The following LRRC63 variants were observed in gnomAD, a reference collection of about 807,000 sequenced individuals.
LRRC63 encodes the protein leucine-rich repeat-containing protein 63.
In LRRC63, 40 loss-of-function variants were observed where a neutral mutation model predicts 49.5. That is an observed-to-expected ratio of 0.81 (90% CI 0.63 to 1.05). The LOEUF is 1.05. LRRC63 is among the 50% of genes least tolerant of loss of function. The pLI is 0.00. For synonymous variants in LRRC63, 191 were observed against 221.1 expected (o/e 0.86, Z 1.21); for missense variants, 636 against 663.1 (o/e 0.96, Z 0.45).
chr13:46,234,102 C>A lies in LRRC63; in HGVS notation c.833-90C>A, dbSNP rs1406207909. The A allele has an allele frequency of 6.5e-6, 8 of 1,237,446 alleles. No homozygotes were observed. The East Asian group carries it at 1.8e-4, about 28-fold the overall frequency. 76.7% of individuals were successfully genotyped at this position (1,237,446 alleles called of 1,614,324 possible). On this transcript the variant is annotated intron_variant, in intron 4 of 9. Coordinates refer to ENST00000595396, the Ensembl canonical transcript of LRRC63. ...GTACACTTAAGTCCTTAGGGTAACT[C>A]AATATTATCATAAGATAAATACCTC...
chr13:46,218,038 G>A (rs1033496177), intron 2 of LRRC63, among the ~76,000 whole-genome samples: 8 of 152,130 alleles, frequency 5.3e-5, no homozygotes, highest in East Asian at 1.9e-4. Context: ...GTCAATTTTC[G>A]AATAAGTGCG....
intron 2 of LRRC63, among the ~76,000 whole-genome samples, chr13:46,221,530 C>A (rs146088437): frequency 1.3e-5 from 2 of 152,278 alleles, no homozygotes; most frequent in South Asian, 4.1e-4. Flanking sequence ...GGGAAATTAA[C>A]TCTGAAGACT....
intron 2 of LRRC63, among the ~76,000 whole-genome samples, chr13:46,224,770 C>T (rs541243816): frequency 6.6e-6 from 1 of 152,266 alleles, no homozygotes; most frequent in South Asian, 2.1e-4. Context: ...TTGGGTAGGG[C>T]ACTTTGGCTT....
intron 7 of LRRC63, among the ~76,000 whole-genome samples, chr13:46,260,861 T>C (rs1014074734): frequency 1.3e-5 from 2 of 152,226 alleles, no homozygotes; most frequent in Non-Finnish European, 2.9e-5. Flanking sequence ...AGGACCTTTA[T>C]ATGCCATGTT....
chr13:46,230,805 A>G (rs1190244795), intron 4 of LRRC63, among the ~76,000 whole-genome samples: 4 of 152,182 alleles, frequency 2.6e-5, no homozygotes, highest in African/African-American at 4.8e-5. Context: ...CCTTTCGAAT[A>G]TAAATTTCAA....
At chr13:46,266,473 A>G in intron 8 of LRRC63, among the ~76,000 whole-genome samples, 1 of 152,208 alleles carries the variant, frequency 6.6e-6, no homozygotes, top group East Asian at 1.9e-4. Context: ...TTCTTTTTCC[A>G]TAGTGATGAC....
In LRRC63 at chr13:46,246,642, T is replaced by C; in HGVS notation, c.1089+17T>C. On this transcript the variant is annotated intron_variant, in intron 6 of 9. Transcript: ENST00000595396. ...CCCACAGAAGTGAGTCAACTTTTAT[T>C]GTTATGTACTGATATAACTTGTCGT... 1 of 1,158,134 alleles carries C rather than the reference T, an allele frequency of 8.6e-7. No individual in the cohort carries two copies. Among genetic ancestry groups the C allele is most frequent in the Non-Finnish European group, 1.2e-6 (1 of 866,316 alleles). 71.7% of individuals were successfully genotyped at this position (1,158,134 alleles called of 1,614,324 possible).
At chr13:46,274,973 C>T (rs1358583529) in intron 9 of LRRC63, among the ~76,000 whole-genome samples, 2 of 151,946 alleles carry the variant, frequency 1.3e-5, no homozygotes, top group African/African-American at 4.8e-5. Flanking sequence ...CCATTTTTAA[C>T]CTCTCCTATC....
At chr13:46,267,115 C>T (rs751148675) in intron 9 of LRRC63, 143 bp downstream of exon 9, 49 of 788,150 alleles carry the variant, frequency 6.2e-5, no homozygotes, top group Middle Eastern at 3.9e-4. Flanking sequence ...TTCTTCAAAT[C>T]GCTCCATCCA....
chr13:46,251,272 G>A (rs187986300), intron 7 of LRRC63, among the ~76,000 whole-genome samples: 431 of 151,702 alleles, frequency 2.8e-3, no homozygotes, highest in Non-Finnish European at 4.9e-3. Context: ...CTAAAAAATT[G>A]TACATTCATA....
At chr13:46,227,778 A>G (rs1233677880) in exon 3 of LRRC63, 2 of 1,550,438 alleles carry the variant, frequency 1.3e-6, no homozygotes, top group Admixed American at 2.0e-5. Flanking sequence ...TTCAGCTTCT[A>G]CTCGAATTTT....
At chr13:46,266,146 T>C (rs2047681787) in intron 8 of LRRC63, among the ~76,000 whole-genome samples, 1 of 152,132 alleles carries the variant, frequency 6.6e-6, no homozygotes, top group Non-Finnish European at 1.5e-5. Flanking sequence ...TAGGACTAAT[T>C]AGAAAGGAGA....
exon 10 of LRRC63, chr13:46,276,852 T>TTATATATATATATA (rs552310700): frequency 8.3e-6 from 1 of 120,116 alleles, no homozygotes; most frequent in African/African-American, 3.8e-5. Context: ...ATATATATAT[T>TTATATATATATATA]TATATATATA....
intron 7 of LRRC63, among the ~76,000 whole-genome samples, chr13:46,258,045 G>C (rs1368238778): frequency 6.6e-6 from 1 of 151,084 alleles, no homozygotes; most frequent in Admixed American, 6.6e-5. Context: ...CAAAGTGATA[G>C]AGTAGAAAAA....
chr13:46,246,056 C>G (rs1231030388), intron 5 of LRRC63, among the ~76,000 whole-genome samples: 2 of 152,078 alleles, frequency 1.3e-5, no homozygotes, highest in East Asian at 3.9e-4. Context: ...CTCCTGATAG[C>G]AAGCGAGTTC....
intron 2 of LRRC63, 91 bp downstream of exon 2, chr13:46,213,210 A>G (rs1345315767): frequency 1.3e-6 from 1 of 758,100 alleles, no homozygotes; most frequent in Non-Finnish European, 2.1e-6. Flanking sequence ...CAATAAATAC[A>G]CTCACTAATA....
intron 7 of LRRC63, among the ~76,000 whole-genome samples, chr13:46,259,155 C>G (rs2047573996): frequency 6.6e-6 from 1 of 152,134 alleles, no homozygotes; most frequent in Non-Finnish European, 1.5e-5. Context: ...TGGATCAACA[C>G]TCCCATGTTA....
Position 46,252,285 on chromosome 13 carries a change from C to T in LRRC63, c.1226+1794C>T, listed in dbSNP as rs115601155. Among the ~76,000 whole-genome samples, 1,178 of 152,012 alleles carry T rather than the reference C, an allele frequency of 7.7e-3. 20 individuals are homozygous for T. Among genetic ancestry groups the T allele is most frequent in the African/African-American group, 0.027 (1,108 of 41,504 alleles). On this transcript the variant is annotated intron_variant, in intron 7 of 9. Coordinates refer to ENST00000595396, the Ensembl canonical transcript of LRRC63. ...ACCTTGCTGAGCAAAGAAGACCTCA[C>T]GGAGTGTGGTGAGACTTGGAGATCA...
At chr13:46,242,417 C>T (rs2047090137) in intron 5 of LRRC63, among the ~76,000 whole-genome samples, 4 of 151,952 alleles carry the variant, frequency 2.6e-5, no homozygotes, top group Admixed American at 2.6e-4. Flanking sequence ...ACCCCCATGG[C>T]ATAAGTTTTC....
Sources: gnomAD v4.1 joint callset for allele counts (sites outside exome capture counted in the v4.1 genomes callset) on GRCh38, gnomAD v4.1.1 for gene constraint, MANE v1.5 for transcripts, NCBI Gene and HGNC (gene_info 2026-07-23, HGNC 2026-07-21) for gene names.